Variants in ERBB4 observed in about 807,000 individuals in gnomAD.
The protein encoded by ERBB4 is erb-b2 receptor tyrosine kinase 4, also known as receptor tyrosine-protein kinase erbB-4.
A neutral mutation model predicts 158.0 loss-of-function variants in ERBB4; 42 were observed. The observed-to-expected ratio is 0.27, with a 90% CI of 0.21 to 0.34. ERBB4 has a LOEUF of 0.34. Ranked by LOEUF, ERBB4 falls within the 10% of genes least tolerant of loss-of-function variation. The pLI is 1.00. For synonymous variants in ERBB4, 583 were observed against 558.7 expected, an observed-to-expected ratio of 1.04 and a Z score of -0.61; for missense variants, 1,333 against 1,624.1, an observed-to-expected ratio of 0.82 and a Z score of 3.08.
chr2:211,467,820 G>A (rs1177398231), intron 20 of ERBB4, among the ~76,000 whole-genome samples: 2 of 152,112 alleles, frequency 1.3e-5, no homozygotes, highest in East Asian at 3.9e-4. Flanking sequence ...GGGTGATCTA[G>A]ATAAAACATG....
chr2:212,427,200 T>C (rs2091933111), intron 1 of ERBB4, among the ~76,000 whole-genome samples: 1 of 152,176 alleles, frequency 6.6e-6, no homozygotes, highest in South Asian at 2.1e-4. Flanking sequence ...AAATCACCAT[T>C]GGCTCACTAT....
intron 4 of ERBB4, among the ~76,000 whole-genome samples, chr2:211,774,433 T>C (rs1366294215): frequency 4.6e-5 from 7 of 152,122 alleles, no homozygotes; most frequent in Non-Finnish European, 2.9e-5. Flanking sequence ...TGAGTTTTTA[T>C]TTGCATTAAT....
intron 16 of ERBB4, among the ~76,000 whole-genome samples, chr2:211,645,028 T>A (rs2070735367): frequency 6.6e-6 from 1 of 151,840 alleles, no homozygotes; most frequent in South Asian, 2.1e-4. Flanking sequence ...ATTCACCCTC[T>A]GGCACTGAGT....
At chr2:211,981,656 C>A (rs1464098671) in intron 2 of ERBB4, among the ~76,000 whole-genome samples, 1 of 152,090 alleles carries the variant, frequency 6.6e-6, no homozygotes. Flanking sequence ...CTTTTGAAAC[C>A]CTCACATCAC....
chr2:211,754,874 G>GT (rs1459818670), intron 4 of ERBB4, among the ~76,000 whole-genome samples: 4 of 148,852 alleles, frequency 2.7e-5, no homozygotes, highest in East Asian at 4.1e-4. Flanking sequence ...TAATTTTTGT[G>GT]TTTTTTAGTA....
intron 19 of ERBB4, among the ~76,000 whole-genome samples, chr2:211,564,770 T>C (rs1024478454): frequency 1.3e-5 from 2 of 152,148 alleles, no homozygotes; most frequent in Non-Finnish European, 2.9e-5. Flanking sequence ...AATAATTTTC[T>C]AGAATAAAAG....
At chr2:212,041,121 T>A (rs2125372416) in intron 2 of ERBB4, among the ~76,000 whole-genome samples, 1 of 152,074 alleles carries the variant, frequency 6.6e-6, no homozygotes, top group Non-Finnish European at 1.5e-5. Flanking sequence ...GTAAAACTGA[T>A]CAATAACAAA....
rs55671017 is a variant in ERBB4 at position 211,705,339 on chromosome 2, G to A, written c.1177C>T (p.Arg393Trp). Residue 393 changes from arginine (R) to tryptophan (W), a missense_variant, in exon 10 of 28, where the codon CGG becomes TGG. Arg to Trp is a moderately radical substitution (Grantham distance 101). This residue lies in a region of ERBB4 where 438 missense variants were observed against 586.9 expected (regional missense o/e 0.75). Coordinates refer to ENST00000342788, the MANE Select transcript of ERBB4 (RefSeq NM_005235.3). ...TTACCTGTTATCTCTCTGACTGTCC[G>A]AAAGACGTTCAGTTTCTCTGGGTCT... ...AIDPEKLNVF[R>W]TVREITGFLN... 6 of 1,612,044 alleles carry A rather than the reference G, an allele frequency of 3.7e-6. No individual in the cohort carries two copies. The highest frequency in any genetic ancestry group is 4.2e-6 in the Non-Finnish European group (5 of 1,178,206).
At chr2:211,846,732 T>G (rs2077598464) in intron 3 of ERBB4, among the ~76,000 whole-genome samples, 1 of 152,122 alleles carries the variant, frequency 6.6e-6, no homozygotes, top group Non-Finnish European at 1.5e-5. Flanking sequence ...AATTTGAACT[T>G]GAAAATAATA....
At chr2:212,103,397 A>G (rs1486069148) in intron 2 of ERBB4, among the ~76,000 whole-genome samples, 2 of 152,126 alleles carry the variant, frequency 1.3e-5, no homozygotes, top group Non-Finnish European at 2.9e-5. Context: ...AGGTAAAATT[A>G]TTTCAAATAA....
rs79966125 is a variant in ERBB4 at position 212,335,572 on chromosome 2, C to G, written c.82+202877G>C. Among the ~76,000 whole-genome samples the G allele has an allele frequency of 8.2e-3, 1,240 of 151,922 alleles. 11 individuals carry two copies. The highest frequency in any genetic ancestry group is 0.028 in the African/African-American group (1,175 of 41,502). ...CATTTTCGTTTGATTCAATTAATAA[C>G]TGTTATAAGGAATGCCATTTTATGA... On this transcript the variant is annotated intron_variant, in intron 1 of 27. Transcript: ENST00000342788.
chr2:212,036,156 T>A (rs967929892), intron 2 of ERBB4, among the ~76,000 whole-genome samples: 7 of 152,166 alleles, frequency 4.6e-5, no homozygotes, highest in African/African-American at 1.7e-4. Context: ...CTCATTGCTA[T>A]CTACTTGAGG....
intron 25 of ERBB4, among the ~76,000 whole-genome samples, chr2:211,419,372 G>GAAAT (rs2063463638): frequency 6.6e-6 from 1 of 152,014 alleles, no homozygotes; most frequent in African/African-American, 2.4e-5. Context: ...CAATCAATAT[G>GAAAT]AAATAAAGAA....
At chr2:212,220,988 A>G (rs2083272561) in intron 1 of ERBB4, among the ~76,000 whole-genome samples, 1 of 151,494 alleles carries the variant, frequency 6.6e-6, no homozygotes, top group South Asian at 2.1e-4. Context: ...AAAATATTAA[A>G]CATCCAATTC....
chr2:211,872,656 CA>C (rs1310728528), intron 3 of ERBB4, among the ~76,000 whole-genome samples: 3 of 152,136 alleles, frequency 2.0e-5, no homozygotes, highest in Non-Finnish European at 2.9e-5. Context: ...ATTGCCCCTT[CA>C]AAAAATAATT....
chr2:212,000,850 G>C (rs1316202357), intron 2 of ERBB4, among the ~76,000 whole-genome samples: 5 of 151,526 alleles, frequency 3.3e-5, no homozygotes, highest in Admixed American at 6.6e-5. Flanking sequence ...ATTATCTCAG[G>C]ACATTACAAA....
chr2:212,304,689 C>T (rs1313818688), intron 1 of ERBB4, among the ~76,000 whole-genome samples: 1 of 151,640 alleles, frequency 6.6e-6, no homozygotes, highest in South Asian at 2.1e-4. Flanking sequence ...ACAAAATTCA[C>T]ATGGCCATTT....
chr2:211,888,666 C>G (rs1482314357), intron 3 of ERBB4, among the ~76,000 whole-genome samples: 2 of 152,082 alleles, frequency 1.3e-5, no homozygotes, highest in African/African-American at 4.8e-5. Flanking sequence ...GAGTGCCAGA[C>G]AGTGGGCGCA....
rs189593476 is a variant in ERBB4, at chr2:212,006,231, A to G, written c.235-58615T>C. On this transcript the variant is annotated intron_variant, in intron 2 of 27. Coordinates refer to ENST00000342788, the MANE Select transcript of ERBB4 (RefSeq NM_005235.3). ...TATTCTTTGAGAAAAAATAACTTGC[A>G]CATTTTGAAAATAAATATTTCAATA... is the stretch of plus-strand genomic sequence containing the variant. Among the ~76,000 whole-genome samples the G allele has an allele frequency of 8.3e-3, 1,264 of 152,266 alleles. 16 individuals carry two copies. Among genetic ancestry groups the G allele is most frequent in the African/African-American group, 0.028 (1,165 of 41,576 alleles).
Sources: allele counts gnomAD v4.1 joint callset (sites outside exome capture counted in the v4.1 genomes callset), GRCh38; gene constraint gnomAD v4.1.1; regional missense constraint gnomAD v4.1.1; transcripts MANE v1.5; gene names NCBI Gene and HGNC (gene_info 2026-07-23, HGNC 2026-07-21).